RUNX1T1: variants seen among roughly 807,000 people sequenced by gnomAD.
RUNX1T1 encodes RUNX1 partner transcriptional co-repressor 1, also known as protein CBFA2T1.
A neutral mutation model predicts 62.8 loss-of-function variants in RUNX1T1; 4 were observed. That is an observed-to-expected ratio of 0.06 (90% CI 0.03 to 0.15). The LOEUF (loss-of-function observed/expected upper bound fraction) is 0.15. Ranked by LOEUF, RUNX1T1 falls within the 10% of genes least tolerant of loss-of-function variation. The probability of loss-of-function intolerance (pLI) is 1.00; values close to 1 mark genes in which losing one functional copy is unlikely to be tolerated. For missense variants in RUNX1T1, 508 were observed against 754.3 expected (o/e 0.67, Z 3.82); for synonymous variants, 291 against 286.0 (o/e 1.02, Z -0.18).
intron 9 of RUNX1T1, among the ~76,000 whole-genome samples, chr8:91,974,604 G>A (rs1017177072): frequency 6.6e-6 from 1 of 152,128 alleles, no homozygotes; most frequent in Non-Finnish European, 1.5e-5. Context: ...TCAGAAGGAA[G>A]ATGTTGCCCG....
intron 2 of RUNX1T1, 106 bp downstream of exon 2, chr8:92,075,859 G>A (rs1834343834): frequency 1.9e-6 from 2 of 1,054,286 alleles, no homozygotes; most frequent in Admixed American, 2.4e-5. Flanking sequence ...ACTAGAAGAA[G>A]GAAGAAAAAA....
At chr8:92,001,314 G>C (rs1819710227) in intron 5 of RUNX1T1, among the ~76,000 whole-genome samples, 1 of 152,162 alleles carries the variant, frequency 6.6e-6, no homozygotes, top group Non-Finnish European at 1.5e-5. Flanking sequence ...AGGATCACAT[G>C]AGCCCAGGAG....
intron 4 of RUNX1T1, among the ~76,000 whole-genome samples, chr8:92,008,386 TCTCA>T (rs1427081031): frequency 3.3e-4 from 16 of 49,134 alleles, no homozygotes; most frequent in African/African-American, 1.1e-3. Flanking sequence ...TCTCTCTCTC[TCTCA>T]CACACACACA....
At chr8:92,098,701 C>T (rs1206552490) in intron 1 of RUNX1T1, among the ~76,000 whole-genome samples, 1 of 152,158 alleles carries the variant, frequency 6.6e-6, no homozygotes, top group Non-Finnish European at 1.5e-5. Flanking sequence ...AACGCATTTA[C>T]AATAAAATCA....
intron 5 of RUNX1T1, chr8:91,994,556 G>A (rs758677371): frequency 2.5e-4 from 121 of 492,932 alleles, no homozygotes; most frequent in Non-Finnish European, 4.3e-4. Flanking sequence ...TCTAGTCCTG[G>A]CTCTTCCATG....
chr8:91,979,293 C>A (rs185914579), intron 8 of RUNX1T1, among the ~76,000 whole-genome samples: 2 of 152,226 alleles, frequency 1.3e-5, no homozygotes, highest in Admixed American at 1.3e-4. Context: ...ACAATTCTCT[C>A]CTAGGACTTT....
At chr8:91,967,616 GAGA>G (rs1232474757) in intron 10 of RUNX1T1, among the ~76,000 whole-genome samples, 2 of 152,172 alleles carry the variant, frequency 1.3e-5, no homozygotes, top group African/African-American at 4.8e-5. Context: ...AAATTACAGA[GAGA>G]AGAATTCAGA....
At chr8:92,031,630 G>A (rs182205697) in intron 1 of RUNX1T1, among the ~76,000 whole-genome samples, 66 of 152,142 alleles carry the variant, frequency 4.3e-4, no homozygotes, top group Admixed American at 4.2e-3. Flanking sequence ...CACCATACCA[G>A]ACTAATTTAA....
chr8:92,069,988 G>C lies in RUNX1T1; in HGVS notation c.88+5977C>G, dbSNP rs545188263. 8.9e-4 allele frequency among the ~76,000 whole-genome samples: 136 copies of C among 152,226 alleles called. 1 individual carries two copies. Among genetic ancestry groups the C allele is most frequent in the Non-Finnish European group, 1.5e-3 (103 of 68,038 alleles). On this transcript the variant is annotated intron_variant, in intron 2 of 11. Coordinates refer to the RUNX1T1 transcript ENST00000265814. Reference sequence around the variant, plus strand: ...TTATATGTTTTCCCTTCACTTTCCAGAGTAATTCACTGCCTCCGATTCTCT... The same window carrying C: ...TTATATGTTTTCCCTTCACTTTCCACAGTAATTCACTGCCTCCGATTCTCT...
chr8:92,043,913 G>A (rs906491507), intron 1 of RUNX1T1, among the ~76,000 whole-genome samples: 1 of 151,052 alleles, frequency 6.6e-6, no homozygotes, highest in African/African-American at 2.4e-5. Flanking sequence ...AGGAGGCAGA[G>A]GTTGCAGTGA....
chr8:92,101,263 TGCA>T (rs1401090641), upstream of RUNX1T1, among the ~76,000 whole-genome samples: 1 of 152,198 alleles, frequency 6.6e-6, no homozygotes, highest in East Asian at 1.9e-4. Context: ...TAAATCAATC[TGCA>T]GCAGCTGCGG....
chr8:92,081,204 A>C, intron 1 of RUNX1T1: 1 of 618,708 alleles, frequency 1.6e-6, no homozygotes, highest in Non-Finnish European at 2.0e-6. Flanking sequence ...TCAGGATGAT[A>C]TGAGGAGATA....
intron 1 of RUNX1T1, among the ~76,000 whole-genome samples, chr8:92,098,195 T>TC (rs1286149023): frequency 6.6e-6 from 1 of 152,222 alleles, no homozygotes; most frequent in East Asian, 1.9e-4. Flanking sequence ...GCATAATATC[T>TC]CATTGCTCAG....
intron 8 of RUNX1T1, among the ~76,000 whole-genome samples, chr8:91,985,841 G>C (rs996289747): frequency 6.6e-6 from 1 of 152,142 alleles, no homozygotes; most frequent in Non-Finnish European, 1.5e-5. Flanking sequence ...TTACGAAGGA[G>C]CACAAGTTTT....
At chr8:91,965,328 TA>T (rs1477998209) in intron 10 of RUNX1T1, among the ~76,000 whole-genome samples, 1 of 152,210 alleles carries the variant, frequency 6.6e-6, no homozygotes, top group Non-Finnish European at 1.5e-5. Flanking sequence ...TCTTCCTTAT[TA>T]AATGCCTCTT....
downstream of RUNX1T1, chr8:91,957,133 T>C: frequency 4.6e-6 from 1 of 215,432 alleles, no homozygotes; most frequent in East Asian, 6.9e-5. Flanking sequence ...CCAATGAAGA[T>C]AACTTTTTCT....
intron 3 of RUNX1T1, among the ~76,000 whole-genome samples, chr8:92,013,816 C>T (rs1222719323): frequency 6.6e-6 from 1 of 152,094 alleles, no homozygotes; most frequent in Non-Finnish European, 1.5e-5. Flanking sequence ...CTACCTATAA[C>T]AAAGATTTAT....
intron 1 of RUNX1T1, chr8:92,017,604 T>C: frequency 2.9e-6 from 4 of 1,375,344 alleles, no homozygotes; most frequent in Non-Finnish European, 9.4e-7. Flanking sequence ...TTGTTATTTC[T>C]GGCTTAGGCA....
At chr8:92,101,521 C>A (rs28640925), upstream of RUNX1T1, among the ~76,000 whole-genome samples, 6,092 of 152,198 alleles carry the variant, frequency 0.04, 397 homozygotes, top group African/African-American at 0.14. Flanking sequence ...CAGACTAGGG[C>A]ACGGTGGAAT....
Sources: allele counts gnomAD v4.1 joint callset (sites outside exome capture counted in the v4.1 genomes callset), GRCh38; gene constraint gnomAD v4.1.1; transcripts MANE v1.5; gene names NCBI Gene and HGNC (gene_info 2026-07-23, HGNC 2026-07-21).